DCST1: variants seen among roughly 807,000 people sequenced by gnomAD.
DCST1 encodes the protein E3 ubiquitin-protein ligase DCST1.
In DCST1, 78 loss-of-function variants were observed where a neutral mutation model predicts 89.1. That is an observed-to-expected ratio of 0.88 (90% confidence interval 0.73 to 1.06). The LOEUF is 1.06. Ranked by LOEUF, DCST1 falls within the 50% of genes least tolerant of loss-of-function variation. The pLI, the probability that DCST1 is intolerant of heterozygous loss-of-function variation, is 0.00. For synonymous variants in DCST1, 364 were observed against 371.9 expected (o/e 0.98, Z 0.24); for missense variants, 900 against 928.6 (o/e 0.97, Z 0.40).
intron 14 of DCST1, 90 bp downstream of exon 14, chr1:155,047,402 C>A: frequency 8.3e-7 from 1 of 1,209,164 alleles, no homozygotes. Context: ...GGGGCCTGGG[C>A]CTTGGGTGTG....
intron 16 of DCST1, chr1:155,048,869 A>G (rs1189332447): frequency 4.9e-6 from 3 of 614,068 alleles, no homozygotes; most frequent in African/African-American, 3.7e-5. Context: ...TTCAAGGGAC[A>G]GGAGGAGGCA....
At chr1:155,039,965 T>TGGG (rs1303323282) in intron 5 of DCST1, among the ~76,000 whole-genome samples, 15 of 109,526 alleles carry the variant, frequency 1.4e-4, no homozygotes, top group Non-Finnish European at 6.7e-5. Context: ...CACTCCAGCC[T>TGGG]GGGTGACAGA....
rs764514360 is a variant in DCST1 at position 155,041,735 on chromosome 1, T to C, written c.770T>C (p.Leu257Pro). ...RCSYVVNQAI[L>P]SCRRWFDRKH... ...ACAGATGTGGTGAACCAGGCCATACTCAGCTGCCGTCGTTGGTTTGACCGC... is the reference window on the plus strand; with the variant it reads ...ACAGATGTGGTGAACCAGGCCATACCCAGCTGCCGTCGTTGGTTTGACCGC... Residue 257 changes from leucine (L) to proline (P), a missense_variant, in exon 8 of 17, where the codon CTC (leucine) becomes CCC (proline). Coordinates refer to ENST00000295542, the MANE Select transcript of DCST1 (RefSeq NM_152494.4). 3 of 1,614,224 alleles carry C rather than the reference T, an allele frequency of 1.9e-6. No individual in the cohort carries two copies. In the South Asian group the frequency reaches 3.3e-5, roughly 18 times the overall value.
At chr1:155,048,287 C>A in intron 16 of DCST1, 117 bp downstream of exon 16, 1 of 774,446 alleles carries the variant, frequency 1.3e-6, no homozygotes, top group Non-Finnish European at 2.1e-6. Context: ...CTACTCGAGC[C>A]TGGTAAGTTC....
intron 8 of DCST1, 89 bp downstream of exon 8, chr1:155,041,946 A>G (rs1299790282): frequency 6.4e-7 from 1 of 1,566,228 alleles, no homozygotes; most frequent in African/African-American, 1.3e-5. Flanking sequence ...GGAAAGCAAC[A>G]GATGAGGAGG....
chr1:155,046,560 C>G, intron 13 of DCST1, 74 bp downstream of exon 13: 1 of 1,528,368 alleles, frequency 6.5e-7, no homozygotes, highest in Non-Finnish European at 8.9e-7. Context: ...GCACAGCCAC[C>G]CCACCCTAGT....
intron 13 of DCST1, 40 bp from the exon 14 acceptor site, chr1:155,047,156 C>A (rs760439661): frequency 7.8e-6 from 12 of 1,532,828 alleles, no homozygotes; most frequent in African/African-American, 1.4e-5. Context: ...CCTGATTTCT[C>A]CACCTGCCCT....
intron 8 of DCST1, among the ~76,000 whole-genome samples, 183 bp downstream of exon 8, chr1:155,042,040 C>G (rs1189686282): frequency 6.6e-6 from 1 of 152,196 alleles, no homozygotes; most frequent in African/African-American, 2.4e-5. Flanking sequence ...CAGCAAAGCT[C>G]TGAGCTGTGG....
At chr1:155,041,340 A>T (rs550505797) in intron 6 of DCST1, 57 bp from the exon 7 acceptor site, 13 of 1,580,772 alleles carry the variant, frequency 8.2e-6, no homozygotes, top group African/African-American at 1.3e-5. Flanking sequence ...GCCCTCAGGC[A>T]GCAGAAGTTC....
chr1:155,042,631 G>C (rs1660469711), intron 8 of DCST1, 104 bp from the exon 9 acceptor site: 1 of 1,517,800 alleles, frequency 6.6e-7, no homozygotes, highest in Non-Finnish European at 9.0e-7. Flanking sequence ...TGGGCAGAGA[G>C]ACAAAAAAGC....
chr1:155,043,335 C>T lies in DCST1; in HGVS notation c.1015-17C>T, dbSNP rs1571564439. 6.2e-7 allele frequency: 1 copy of T among 1,613,864 alleles called. No homozygotes were observed. The highest frequency in any genetic ancestry group is 1.3e-5 in the African/African-American group (1 of 74,908). On this transcript the variant is annotated splice_polypyrimidine_tract_variant and intron_variant, in intron 9 of 16. Coordinates refer to ENST00000295542, the MANE Select transcript of DCST1 (RefSeq NM_152494.4). ...GAGGTGGCCGCAGGCTGAGTTTGCTCATGTGCCCTCCACCAGGAAGAGAAG... is the reference window on the plus strand; with the variant it reads ...GAGGTGGCCGCAGGCTGAGTTTGCTTATGTGCCCTCCACCAGGAAGAGAAG...
At position 155,050,859 on chromosome 1, in the gene DCST1, C is replaced by T; in HGVS notation, c.2112C>T (p.Tyr704=). The change falls in exon 17 of 17, where the codon TAC becomes TAT. Residue 704 remains tyrosine, a synonymous_variant. Coordinates refer to ENST00000295542, the MANE Select transcript of DCST1 (RefSeq NM_152494.4). ...AFSDSNDDTA[Y]AG is the part of the protein sequence containing the mutation. ...GTGACAGCAACGACGACACTGCCTA[C>T]GCGGGGTGAAGAGGCGTCCTGCTCG... 13 of 1,609,796 alleles carry T rather than the reference C, an allele frequency of 8.1e-6. No individual in the cohort carries two copies. Among genetic ancestry groups the T allele is most frequent in the Non-Finnish European group, 1.1e-5 (13 of 1,177,014 alleles).
rs1338981407 is a variant in DCST1, at chr1:155,050,686, G to C, written c.1939G>C (p.Val647Leu). ...GCGCCGCTGGCTGTGCCGGCGCTGCGTGGTGTGCCAGGCACCCGAGACGCC... is the reference window on the plus strand; with the variant it reads ...GCGCCGCTGGCTGTGCCGGCGCTGCCTGGTGTGCCAGGCACCCGAGACGCC... ...LLRRWLCRRCVVCQAPETPES... is the reference protein window; with the variant it reads ...LLRRWLCRRCLVCQAPETPES... Residue 647 changes from valine (V) to leucine (L), a missense_variant, in exon 17 of 17, where the codon GTG becomes CTG. Physicochemically the swap from Val to Leu is conservative, Grantham distance 32. Coordinates refer to ENST00000295542, the MANE Select transcript of DCST1 (RefSeq NM_152494.4). 1 of 1,604,218 alleles carries C rather than the reference G, an allele frequency of 6.2e-7. No homozygotes were observed. The highest frequency in any genetic ancestry group is 8.5e-7 in the Non-Finnish European group (1 of 1,176,852).
chr1:155,045,523 T>TC, intron 10 of DCST1: 1 of 254,590 alleles, frequency 3.9e-6, no homozygotes, highest in East Asian at 1.1e-4. Context: ...TCAAGGAGTT[T>TC]CCCCCTCTCT....
At position 155,045,977 on chromosome 1, in the gene DCST1, C is replaced by T; in HGVS notation, c.1257C>T (p.Asp419=). The T allele has an allele frequency of 6.2e-7, 1 of 1,614,236 alleles. No homozygotes were observed. The change falls in exon 11 of 17, where the codon GAC becomes GAT. Residue 419 remains aspartate, a synonymous_variant. Transcript: ENST00000295542. ...YISTYFCQID[D]RRKKLGKRTL... Reference sequence around the variant, plus strand: ...GTACCTACTTCTGCCAGATCGATGACCGCAGGAAGAAGCTGGTGAGTGGGC... The same window carrying T: ...GTACCTACTTCTGCCAGATCGATGATCGCAGGAAGAAGCTGGTGAGTGGGC...
chr1:155,042,184 T>C (rs1447962184), intron 8 of DCST1, among the ~76,000 whole-genome samples: 1 of 152,110 alleles, frequency 6.6e-6, no homozygotes, highest in Non-Finnish European at 1.5e-5. Flanking sequence ...CCGCAACCTC[T>C]GCCTCCCGGG....
At chr1:155,037,796 C>G (rs1256962823) in intron 4 of DCST1, among the ~76,000 whole-genome samples, 1 of 152,208 alleles carries the variant, frequency 6.6e-6, no homozygotes, top group Non-Finnish European at 1.5e-5. Context: ...TCAAGTTTTG[C>G]TGTTTTGGTG....
intron 10 of DCST1, 75 bp from the exon 11 acceptor site, chr1:155,045,818 C>G: frequency 7.5e-7 from 1 of 1,331,648 alleles, no homozygotes; most frequent in East Asian, 2.3e-5. Context: ...GACTGTGCCT[C>G]AAGGAAGCCC....
intron 9 of DCST1, 39 bp downstream of exon 9, chr1:155,042,895 G>A (rs373749535): frequency 6.2e-6 from 10 of 1,610,660 alleles, no homozygotes; most frequent in Non-Finnish European, 7.6e-6. Context: ...GGGTAGATAG[G>A]GAGTGGGAGG....
Sources: gnomAD v4.1 joint callset for allele counts (sites outside exome capture counted in the v4.1 genomes callset) on GRCh38, gnomAD v4.1.1 for gene constraint, MANE v1.5 for transcripts, NCBI Gene and HGNC (gene_info 2026-07-23, HGNC 2026-07-21) for gene names.